DPYD: variants seen among roughly 807,000 people sequenced by gnomAD.
DPYD encodes dihydropyrimidine dehydrogenase [NADP(+)].
A neutral mutation model predicts 116.2 loss-of-function variants in DPYD; 109 were observed. The ratio of observed to expected loss-of-function variants is 0.94; its 90% CI spans 0.80 to 1.10. The LOEUF is 1.10. Ranked by LOEUF, DPYD falls within the 50% of genes least tolerant of loss-of-function variation. The pLI, the probability that DPYD is intolerant of heterozygous loss-of-function variation, is 0.00. For synonymous variants in DPYD, 440 were observed against 432.0 expected (o/e 1.02, Z -0.23); for missense variants, 1,302 against 1,254.5 (o/e 1.04, Z -0.57).
intron 10 of DPYD, among the ~76,000 whole-genome samples, chr1:97,583,134 A>G (rs756410272): frequency 6.6e-6 from 1 of 151,748 alleles, no homozygotes; most frequent in Non-Finnish European, 1.5e-5. Flanking sequence ...ACACCCCGCT[A>G]ATTTTTTTGT....
At chr1:97,868,097 G>A (rs972985521) in intron 2 of DPYD, among the ~76,000 whole-genome samples, 1 of 148,960 alleles carries the variant, frequency 6.7e-6, no homozygotes, top group Non-Finnish European at 1.5e-5. Context: ...AAAAAAAAAA[G>A]AAATCAAGAA....
At chr1:97,580,874 C>T (rs901973385) in intron 10 of DPYD, among the ~76,000 whole-genome samples, 1 of 152,142 alleles carries the variant, frequency 6.6e-6, no homozygotes, top group East Asian at 1.9e-4. Context: ...TATCTACTAA[C>T]CCGCAACCTA....
intron 14 of DPYD, among the ~76,000 whole-genome samples, chr1:97,392,792 A>G (rs1234494236): frequency 1.3e-5 from 2 of 151,996 alleles, no homozygotes; most frequent in Non-Finnish European, 2.9e-5. Flanking sequence ...TCACATCCTT[A>G]GGCTCCACTT....
At chr1:97,147,181 C>A (rs186860804) in intron 20 of DPYD, among the ~76,000 whole-genome samples, 9 of 152,274 alleles carry the variant, frequency 5.9e-5, no homozygotes, top group Admixed American at 3.9e-4. Context: ...AACGCTGTCT[C>A]TTCTGAAACT....
At chr1:97,147,947 T>G (rs1350984540) in intron 20 of DPYD, among the ~76,000 whole-genome samples, 1 of 152,078 alleles carries the variant, frequency 6.6e-6, no homozygotes, top group Admixed American at 6.6e-5. Context: ...TGTGTGCACT[T>G]TGGATAGATA....
intron 19 of DPYD, among the ~76,000 whole-genome samples, chr1:97,207,632 C>T (rs1428719685): frequency 2.0e-5 from 3 of 152,108 alleles, no homozygotes; most frequent in Non-Finnish European, 2.9e-5. Context: ...ACTGAATTCA[C>T]ACTATCAAAT....
chr1:97,434,290 T>C (rs1675341943), intron 14 of DPYD, among the ~76,000 whole-genome samples: 2 of 152,120 alleles, frequency 1.3e-5, no homozygotes, highest in South Asian at 4.1e-4. Context: ...TCATTCCTTA[T>C]TAATGCTCTA....
intron 8 of DPYD, among the ~76,000 whole-genome samples, chr1:97,640,012 T>C (rs1276779001): frequency 6.6e-6 from 1 of 152,134 alleles, no homozygotes; most frequent in Non-Finnish European, 1.5e-5. Context: ...ATCACAAATA[T>C]GAAGTTAATT....
At chr1:97,598,619 A>AGGAG (rs931928019) in intron 8 of DPYD, among the ~76,000 whole-genome samples, 3 of 141,004 alleles carry the variant, frequency 2.1e-5, no homozygotes, top group Non-Finnish European at 4.7e-5. Context: ...GAGGGAGGGA[A>AGGAG]GGAGGGAGGG....
chr1:97,538,756 T>C (rs966201445), intron 12 of DPYD, among the ~76,000 whole-genome samples: 12 of 152,232 alleles, frequency 7.9e-5, no homozygotes, highest in African/African-American at 2.4e-4. Flanking sequence ...AAACTGAAGA[T>C]ACTTGTGCTT....
At chr1:97,465,731 G>A (rs1474778638) in intron 13 of DPYD, among the ~76,000 whole-genome samples, 1 of 152,090 alleles carries the variant, frequency 6.6e-6, no homozygotes, top group African/African-American at 2.4e-5. Context: ...TTTTGTAAAT[G>A]GCCTAGTCCC....
At chr1:97,915,001 A>G (rs1385111601) in intron 1 of DPYD, among the ~76,000 whole-genome samples, 1 of 152,208 alleles carries the variant, frequency 6.6e-6, no homozygotes, top group Non-Finnish European at 1.5e-5. Context: ...TATATAATGT[A>G]CATGATAGAC....
At chr1:97,138,922 T>C (rs1653999283) in intron 20 of DPYD, among the ~76,000 whole-genome samples, 1 of 152,104 alleles carries the variant, frequency 6.6e-6, no homozygotes, top group African/African-American at 2.4e-5. Flanking sequence ...CTGACTTGGG[T>C]AGATGTATTC....
At chr1:97,573,229 A>T (rs1418969769) in intron 11 of DPYD, among the ~76,000 whole-genome samples, 1 of 152,040 alleles carries the variant, frequency 6.6e-6, no homozygotes, top group African/African-American at 2.4e-5. Flanking sequence ...TTATCTTTTT[A>T]AAAAACATTT....
chr1:97,752,546 G>C (rs1455392631), intron 3 of DPYD, among the ~76,000 whole-genome samples: 1 of 152,066 alleles, frequency 6.6e-6, no homozygotes, highest in Non-Finnish European at 1.5e-5. Context: ...CTGAGCCTCG[G>C]CTTCTATTGC....
At chr1:97,686,636 CAAAAAAAAAAA>C (rs1159274157) in intron 7 of DPYD, among the ~76,000 whole-genome samples, 7 of 10,062 alleles carry the variant, frequency 7.0e-4, no homozygotes, top group Admixed American at 2.2e-3. Context: ...GACTCTGTCT[CAAAAAAAAAAA>C]AAAAAAAAAA....
intron 20 of DPYD, among the ~76,000 whole-genome samples, chr1:97,180,628 T>A (rs547702166): frequency 1.6e-3 from 243 of 152,258 alleles, no homozygotes; most frequent in Non-Finnish European, 3.0e-3. Flanking sequence ...TTTTTTTTCA[T>A]GGTTTAAAAG....
chr1:97,547,226 A>G lies in DPYD; in HGVS notation c.1524+2334T>C, dbSNP rs565109058. 2.2e-4 allele frequency among the ~76,000 whole-genome samples: 32 copies of G among 148,620 alleles called. No individual in the cohort carries two copies. The South Asian group carries it at 6.2e-3, about 29-fold the overall frequency. ...TGATAATAAATCCTTTGTTATTATT[A>G]AAAAAAACTGTGAAATTACTCTGAA... On this transcript the variant is annotated intron_variant, in intron 12 of 22. Coordinates refer to ENST00000370192, the MANE Select transcript of DPYD (RefSeq NM_000110.4).
At chr1:97,337,657 T>C (rs554033311) in intron 16 of DPYD, among the ~76,000 whole-genome samples, 30 of 53,414 alleles carry the variant, frequency 5.6e-4, no homozygotes, top group East Asian at 5.4e-3. Flanking sequence ...AACACATTTT[T>C]TTTTTTTTTT....
Sources: allele counts gnomAD v4.1 joint callset (sites outside exome capture counted in the v4.1 genomes callset), GRCh38; gene constraint gnomAD v4.1.1; transcripts MANE v1.5; gene names NCBI Gene and HGNC (gene_info 2026-07-23, HGNC 2026-07-21).